Variants in PTPRM observed in about 807,000 individuals in gnomAD.
The protein encoded by PTPRM is receptor-type tyrosine-protein phosphatase mu.
PTPRM carries 47 observed loss-of-function variants against 186.7 expected under a neutral mutation model. The observed-to-expected ratio is 0.25, with a 90% confidence interval of 0.20 to 0.32. The LOEUF is 0.32. Among genes scored for constraint, PTPRM ranks in the 10% least tolerant of loss-of-function variants. The pLI, the probability that PTPRM is intolerant of heterozygous loss-of-function variation, is 1.00. For missense variants in PTPRM, 1,494 were observed against 1,865.0 expected, an observed-to-expected ratio of 0.80 and a Z score of 3.66; for synonymous variants, 668 against 674.9, an observed-to-expected ratio of 0.99 and a Z score of 0.16.
chr18:7,647,328 A>T (rs1416242253), intron 1 of PTPRM, among the ~76,000 whole-genome samples: 1 of 152,204 alleles, frequency 6.6e-6, no homozygotes, highest in Admixed American at 6.5e-5. Context: ...TGGTATAAAA[A>T]TCTTGAGTTA....
intron 1 of PTPRM, among the ~76,000 whole-genome samples, chr18:7,771,137 T>C (rs192072037): frequency 4.0e-4 from 61 of 152,326 alleles, no homozygotes; most frequent in Admixed American, 3.3e-3. Flanking sequence ...AGTGCAATAG[T>C]GGTTTTGTAA....
chr18:8,402,096 G>C (rs778144045), intron 32 of PTPRM, among the ~76,000 whole-genome samples: 24 of 152,180 alleles, frequency 1.6e-4, no homozygotes, highest in Non-Finnish European at 3.2e-4. Flanking sequence ...TAATTATACT[G>C]TTCAAAAGGG....
chr18:8,032,232 T>C (rs891852899), intron 7 of PTPRM, among the ~76,000 whole-genome samples: 4 of 152,168 alleles, frequency 2.6e-5, no homozygotes, highest in African/African-American at 9.7e-5. Flanking sequence ...TATGCAAACT[T>C]GGGCAAGTCT....
intron 21 of PTPRM, among the ~76,000 whole-genome samples, chr18:8,316,559 T>C (rs2095310410): frequency 6.6e-6 from 1 of 152,194 alleles, no homozygotes; most frequent in Non-Finnish European, 1.5e-5. Flanking sequence ...TCAATAGATC[T>C]TATTGAGTAC....
At chr18:8,099,089 C>G (rs542280055) in intron 11 of PTPRM, among the ~76,000 whole-genome samples, 11 of 151,962 alleles carry the variant, frequency 7.2e-5, no homozygotes, top group African/African-American at 2.7e-4. Flanking sequence ...TCTCTTTTAT[C>G]TTCCCTCTGT....
chr18:7,738,797 G>C (rs551964873), intron 1 of PTPRM, among the ~76,000 whole-genome samples: 1 of 152,240 alleles, frequency 6.6e-6, no homozygotes, highest in African/African-American at 2.4e-5. Context: ...TGTTATTGTG[G>C]ATAAGAATTG....
At chr18:7,580,183 G>A (rs1567965380) in intron 1 of PTPRM, among the ~76,000 whole-genome samples, 1 of 152,200 alleles carries the variant, frequency 6.6e-6, no homozygotes, top group Non-Finnish European at 1.5e-5. Flanking sequence ...TTATGTCTTA[G>A]TTCAGATTAG....
intron 14 of PTPRM, among the ~76,000 whole-genome samples, chr18:8,207,111 A>C (rs1388090206): frequency 1.3e-5 from 2 of 152,178 alleles, no homozygotes; most frequent in African/African-American, 4.8e-5. Context: ...CGCCCAATTT[A>C]GGGTACTTTT....
intron 19 of PTPRM, among the ~76,000 whole-genome samples, chr18:8,265,596 A>C (rs967647143): frequency 7.9e-5 from 12 of 152,230 alleles, no homozygotes; most frequent in Non-Finnish European, 1.8e-4. Flanking sequence ...TATTAACCTC[A>C]TGGCAGAGCC....
intron 7 of PTPRM, among the ~76,000 whole-genome samples, chr18:8,010,046 A>C (rs542517745): frequency 2.0e-5 from 3 of 152,356 alleles, no homozygotes; most frequent in South Asian, 2.1e-4. Flanking sequence ...TATTTCTTAT[A>C]TGTAAGTATC....
intron 19 of PTPRM, among the ~76,000 whole-genome samples, chr18:8,279,773 A>C (rs1601607620): frequency 6.6e-6 from 1 of 152,176 alleles, no homozygotes; most frequent in East Asian, 1.9e-4. Flanking sequence ...CAGCCTGCCG[A>C]GGGAGAGCCA....
intron 1 of PTPRM, among the ~76,000 whole-genome samples, chr18:7,767,482 A>T (rs2042068760): frequency 6.6e-6 from 1 of 152,190 alleles, no homozygotes; most frequent in African/African-American, 2.4e-5. Context: ...AAGCTTCAGT[A>T]GGATGTAGAA....
intron 1 of PTPRM, among the ~76,000 whole-genome samples, chr18:7,663,096 GTGAC>G (rs1267284491): frequency 5.3e-5 from 8 of 152,190 alleles, no homozygotes; most frequent in Non-Finnish European, 1.0e-4. Flanking sequence ...TGAGGGCTAA[GTGAC>G]TGGTCAGGAG....
chr18:7,639,187 G>A (rs776570201), intron 1 of PTPRM, among the ~76,000 whole-genome samples: 13 of 152,090 alleles, frequency 8.5e-5, no homozygotes, highest in Non-Finnish European at 1.5e-4. Flanking sequence ...CCATTCTCCT[G>A]CCTCAGCCTC....
intron 1 of PTPRM, among the ~76,000 whole-genome samples, chr18:7,626,728 T>G (rs58291169): frequency 2.5e-4 from 38 of 152,092 alleles, no homozygotes; most frequent in Admixed American, 3.3e-4. Context: ...GATCTCACTC[T>G]GTCATCCAGG....
At chr18:7,845,996 A>G (rs895131909) in intron 2 of PTPRM, among the ~76,000 whole-genome samples, 20 of 152,228 alleles carry the variant, frequency 1.3e-4, no homozygotes, top group Middle Eastern at 3.4e-3. Flanking sequence ...GTTCTTTCAG[A>G]GTTGTCCTGA....
At chr18:8,185,537 T>C (rs1468882124) in intron 14 of PTPRM, among the ~76,000 whole-genome samples, 1 of 152,206 alleles carries the variant, frequency 6.6e-6, no homozygotes, top group African/African-American at 2.4e-5. Context: ...GGTTTGTCAC[T>C]AGACATTACC....
At chr18:7,576,901 A>G (rs531716909) in intron 1 of PTPRM, among the ~76,000 whole-genome samples, 1 of 152,372 alleles carries the variant, frequency 6.6e-6, no homozygotes, top group South Asian at 2.1e-4. Flanking sequence ...CCATCTAGAT[A>G]TACAATTATA....
chr18:7,658,535 T>C (rs968923946), intron 1 of PTPRM, among the ~76,000 whole-genome samples: 2 of 151,922 alleles, frequency 1.3e-5, no homozygotes, highest in Non-Finnish European at 2.9e-5. Flanking sequence ...GTGTTAGGGG[T>C]TGCATGTCTG....
Sources: gnomAD v4.1 joint callset for allele counts (sites outside exome capture counted in the v4.1 genomes callset) on GRCh38, gnomAD v4.1.1 for gene constraint, MANE v1.5 for transcripts, NCBI Gene and HGNC (gene_info 2026-07-23, HGNC 2026-07-21) for gene names.